IBTK: variants seen among roughly 807,000 people sequenced by gnomAD.
IBTK encodes the protein inhibitor of Bruton tyrosine kinase.
IBTK carries 83 observed loss-of-function variants against 154.9 expected under a neutral mutation model. That is an observed-to-expected ratio of 0.54 (90% CI 0.45 to 0.64). The LOEUF (loss-of-function observed/expected upper bound fraction) is 0.64. Among genes scored for constraint, IBTK ranks in the 30% least tolerant of loss-of-function variants. The pLI is 0.00. For missense variants in IBTK, 1,332 were observed against 1,584.6 expected (o/e 0.84, Z 2.71); for synonymous variants, 515 against 536.1 (o/e 0.96, Z 0.54).
Position 82,193,463 on chromosome 6 carries a change from G to T in IBTK, c.3338+1016C>A, listed in dbSNP as rs1189670075. On this transcript the variant is annotated intron_variant, in intron 23 of 28. Coordinates refer to ENST00000306270, the MANE Select transcript of IBTK (RefSeq NM_015525.4). ...AATTGAAACTAATTTCTGAACTAAA[G>T]TTTAAACCATGAAGCACATAAAATG... 4.6e-5 allele frequency among the ~76,000 whole-genome samples: 7 copies of T among 152,010 alleles called. No individual in the cohort carries two copies. The East Asian group carries it at 1.4e-3, about 29-fold the overall frequency.
intron 16 of IBTK, 109 bp downstream of exon 16, chr6:82,210,700 ATAAAT>A (rs1200142554): frequency 4.8e-6 from 2 of 416,516 alleles, no homozygotes; most frequent in African/African-American, 2.1e-5. Flanking sequence ...TAAAAATAAA[ATAAAT>A]TAAGCCTTTA....
At chr6:82,211,849 A>G (rs536020737) in intron 13 of IBTK, among the ~76,000 whole-genome samples, 1 of 152,172 alleles carries the variant, frequency 6.6e-6, no homozygotes, top group Non-Finnish European at 1.5e-5. Flanking sequence ...TGTTAATAAT[A>G]TAATACTAAG....
At chr6:82,171,772 G>A (rs1244412010) in intron 28 of IBTK, among the ~76,000 whole-genome samples, 1 of 152,140 alleles carries the variant, frequency 6.6e-6, no homozygotes. Context: ...AGATACCCAT[G>A]CGCTCTTCAA....
chr6:82,191,287 T>C, intron 24 of IBTK, 71 bp from the exon 25 acceptor site: 2 of 1,188,870 alleles, frequency 1.7e-6, no homozygotes, highest in South Asian at 1.4e-5. Context: ...ATCATTTTGC[T>C]AGAAATTATA....
chr6:82,171,925 G>A (rs769912480), intron 28 of IBTK, among the ~76,000 whole-genome samples: 2 of 152,138 alleles, frequency 1.3e-5, no homozygotes, highest in Non-Finnish European at 2.9e-5. Context: ...GCTACTATGC[G>A]TCTTTTCTGT....
intron 9 of IBTK, 86 bp from the exon 10 acceptor site, chr6:82,218,223 G>T: frequency 2.1e-6 from 2 of 939,058 alleles, no homozygotes; most frequent in Non-Finnish European, 2.9e-6. Flanking sequence ...AAGAGACAAT[G>T]CTGTTAAAAT....
intron 12 of IBTK, among the ~76,000 whole-genome samples, chr6:82,213,620 C>G (rs1769738594): frequency 6.6e-6 from 1 of 152,096 alleles, no homozygotes; most frequent in South Asian, 2.1e-4. Flanking sequence ...ATTGTCCCAG[C>G]CAGGAATAGT....
At chr6:82,174,185 A>C (rs1562066521) in intron 26 of IBTK, among the ~76,000 whole-genome samples, 1 of 152,172 alleles carries the variant, frequency 6.6e-6, no homozygotes, top group Non-Finnish European at 1.5e-5. Context: ...AGTCAAACAG[A>C]GAGTAAATTA....
chr6:82,192,428 G>T (rs1436774911), intron 23 of IBTK, among the ~76,000 whole-genome samples: 1 of 152,112 alleles, frequency 6.6e-6, no homozygotes, highest in Non-Finnish European at 1.5e-5. Context: ...ATACCATAAT[G>T]ACAAAATTCT....
chr6:82,246,327 G>T (rs1329397280), intron 1 of IBTK, among the ~76,000 whole-genome samples: 2 of 151,900 alleles, frequency 1.3e-5, no homozygotes, highest in Admixed American at 1.3e-4. Flanking sequence ...CACCATGCCT[G>T]GCTGATTTTT....
chr6:82,232,143 C>T (rs3749911), intron 3 of IBTK, among the ~76,000 whole-genome samples: 35,283 of 151,658 alleles, frequency 0.23, 4,143 homozygotes, highest in African/African-American at 0.26. Context: ...GATCCTCCCA[C>T]CTCGGCCCCC....
At chr6:82,182,611 A>C (rs1768362253) in intron 25 of IBTK, among the ~76,000 whole-genome samples, 1 of 152,168 alleles carries the variant, frequency 6.6e-6, no homozygotes. Flanking sequence ...AAATTTTCCC[A>C]AATTTGGTGG....
chr6:82,182,537 T>C (rs538242975), intron 25 of IBTK, among the ~76,000 whole-genome samples: 122 of 152,204 alleles, frequency 8.0e-4, no homozygotes, highest in African/African-American at 2.9e-3. Context: ...GTCTGCCATA[T>C]GTGTTAACTG....
rs9361904 is a variant in IBTK, at chr6:82,223,592, C to G, written c.972G>C (p.Lys324Asn). 10 of 1,612,724 alleles carry G rather than the reference C, an allele frequency of 6.2e-6. No homozygotes were observed. The South Asian group carries it at 9.9e-5, about 16-fold the overall frequency. Reference sequence around the variant, plus strand: ...AGACCTGACGAGGAGCAGTTACACACTTTTCTCCATTGGGATCTAGCAAAC... The same window carrying G: ...AGACCTGACGAGGAGCAGTTACACAGTTTTCTCCATTGGGATCTAGCAAAC... Reference protein sequence around the residue: ...LGCLLDPNGEKCVTAPRQVSA... With the variant: ...LGCLLDPNGENCVTAPRQVSA... Residue 324 changes from lysine (K) to asparagine (N), a missense_variant, in exon 8 of 29, where the codon AAG (lysine) becomes AAC (asparagine). Lys to Asn is a moderately conservative substitution (Grantham distance 94). Coordinates refer to ENST00000306270, the MANE Select transcript of IBTK (RefSeq NM_015525.4).
intron 21 of IBTK, among the ~76,000 whole-genome samples, chr6:82,198,461 T>C (rs1399401270): frequency 6.6e-6 from 1 of 152,144 alleles, no homozygotes; most frequent in Admixed American, 6.5e-5. Flanking sequence ...TTATCTATCC[T>C]TTTTTTATCT....
In IBTK at chr6:82,214,323, T is replaced by G. The variant is rs758679651; in HGVS notation, c.2108A>C (p.Lys703Thr). ...AATATTTTTTCCTTTTTTACAAGATTTAGGTTTGCTCTTCTGCCTCTCACT... is the reference window on the plus strand; with the variant it reads ...AATATTTTTTCCTTTTTTACAAGATGTAGGTTTGCTCTTCTGCCTCTCACT... The part of the protein sequence containing the change: ...TVSERQKSKP[K>T]SCKKGKNIRE... The change falls in exon 12 of 29, where the codon AAA becomes ACA. Residue 703 changes from lysine to threonine, a missense_variant. Transcript: ENST00000306270. The G allele has an allele frequency of 1.2e-6, 2 of 1,614,066 alleles. No homozygotes were observed. The highest frequency in any genetic ancestry group is 2.2e-5 in the South Asian group (2 of 91,070).
chr6:82,225,039 C>T (rs150917594), intron 6 of IBTK, among the ~76,000 whole-genome samples: 1 of 152,200 alleles, frequency 6.6e-6, no homozygotes, highest in African/African-American at 2.4e-5. Flanking sequence ...GTGGCTCACA[C>T]CTGTAATCCC....
intron 26 of IBTK, among the ~76,000 whole-genome samples, chr6:82,177,706 G>A (rs1467668267): frequency 2.0e-5 from 3 of 151,922 alleles, no homozygotes; most frequent in Admixed American, 1.3e-4. Context: ...GAGCCACCAC[G>A]CCCGGCCTAA....
chr6:82,237,793 C>T (rs907234533), intron 2 of IBTK, among the ~76,000 whole-genome samples: 1 of 151,810 alleles, frequency 6.6e-6, no homozygotes, highest in Non-Finnish European at 1.5e-5. Context: ...AATGTTACTA[C>T]ATAAAAGCCA....
Sources: gnomAD v4.1 joint callset for allele counts (sites outside exome capture counted in the v4.1 genomes callset) on GRCh38, gnomAD v4.1.1 for gene constraint, MANE v1.5 for transcripts, NCBI Gene and HGNC (gene_info 2026-07-23, HGNC 2026-07-21) for gene names.